The following SUPT3H variants were observed in gnomAD, a reference collection of about 807,000 sequenced individuals.
SUPT3H encodes transcription initiation protein SPT3 homolog.
A neutral mutation model predicts 44.3 loss-of-function variants in SUPT3H; 44 were observed. The ratio of observed to expected loss-of-function variants is 0.99; its 90% confidence interval spans 0.78 to 1.28. The LOEUF is 1.28. Ranked by LOEUF, SUPT3H falls within the 50% of genes most tolerant of loss-of-function variation. The pLI is 0.00. For missense variants in SUPT3H, 380 were observed against 387.1 expected (o/e 0.98, Z 0.15); for synonymous variants, 124 against 125.6 (o/e 0.99, Z 0.09).
intron 2 of SUPT3H, among the ~76,000 whole-genome samples, chr6:45,190,468 C>T (rs973828582): frequency 9.9e-5 from 15 of 151,586 alleles, no homozygotes; most frequent in South Asian, 4.2e-4. Flanking sequence ...ACTCTGTATA[C>T]GGGCCAATTC....
In SUPT3H at chr6:44,924,963, A is replaced by T. The variant is rs138062146; in HGVS notation, c.912+7690T>A. Among the ~76,000 whole-genome samples the T allele has an allele frequency of 1.4e-3, 220 of 152,316 alleles. 1 individual carries two copies. The highest frequency in any genetic ancestry group is 5.0e-3 in the African/African-American group (207 of 41,566). On this transcript the variant is annotated intron_variant, in intron 10 of 10. Coordinates refer to ENST00000371459, the MANE Select transcript of SUPT3H (RefSeq NM_003599.4). ...TCCAGGTTGAACACATAAGATGCAG[A>T]CAAACCTAATGTGCTCATGACATAA... is the stretch of plus-strand genomic sequence containing the variant.
At chr6:45,205,724 G>C (rs1763123170) in intron 2 of SUPT3H, among the ~76,000 whole-genome samples, 1 of 152,014 alleles carries the variant, frequency 6.6e-6, no homozygotes, top group Admixed American at 6.6e-5. Context: ...TTGAACCTGG[G>C]AGGCAGAGGC....
intron 2 of SUPT3H, among the ~76,000 whole-genome samples, chr6:45,181,708 G>A (rs1168628974): frequency 3.0e-5 from 4 of 132,984 alleles, no homozygotes; most frequent in Non-Finnish European, 6.3e-5. Flanking sequence ...ACACTCTGGG[G>A]ACTGTTGTGG....
intron 2 of SUPT3H, among the ~76,000 whole-genome samples, chr6:45,195,447 T>C (rs1467251743): frequency 6.6e-6 from 1 of 152,128 alleles, no homozygotes; most frequent in East Asian, 1.9e-4. Context: ...CTATATCCAG[T>C]GGCCCTATGA....
intron 5 of SUPT3H, among the ~76,000 whole-genome samples, chr6:45,013,282 G>C (rs1044531628): frequency 8.6e-5 from 13 of 151,998 alleles, no homozygotes; most frequent in Admixed American, 8.5e-4. Flanking sequence ...GTATCATGGA[G>C]CTACCAGTCC....
At chr6:45,290,872 A>C (rs1780200501) in intron 2 of SUPT3H, among the ~76,000 whole-genome samples, 1 of 152,190 alleles carries the variant, frequency 6.6e-6, no homozygotes, top group Non-Finnish European at 1.5e-5. Flanking sequence ...TCTGAGGCCC[A>C]AGAAAATGGA....
At chr6:45,022,415 G>GTTTTTTTTTTTT (rs3053670) in intron 3 of SUPT3H, among the ~76,000 whole-genome samples, 1 of 141,562 alleles carries the variant, frequency 7.1e-6, no homozygotes, top group Non-Finnish European at 1.5e-5. Flanking sequence ...TGGAATCACT[G>GTTTTTTTTTTTT]TTTTTTTTTT....
At chr6:45,059,721 T>C (rs1239270069) in intron 3 of SUPT3H, among the ~76,000 whole-genome samples, 1 of 152,136 alleles carries the variant, frequency 6.6e-6, no homozygotes, top group Non-Finnish European at 1.5e-5. Context: ...CTTAAACTGA[T>C]AAGCAACTTC....
chr6:45,035,996 T>C (rs951916670), intron 3 of SUPT3H, among the ~76,000 whole-genome samples: 1 of 152,108 alleles, frequency 6.6e-6, no homozygotes, highest in African/African-American at 2.4e-5. Context: ...GAATCTACTA[T>C]TATAATTCCT....
intron 2 of SUPT3H, among the ~76,000 whole-genome samples, chr6:45,279,123 A>C (rs774624290): frequency 6.6e-6 from 1 of 152,220 alleles, no homozygotes; most frequent in Non-Finnish European, 1.5e-5. Flanking sequence ...GTTAACTACA[A>C]CTTTTATTAT....
intron 2 of SUPT3H, chr6:45,328,733 T>A: frequency 6.2e-7 from 1 of 1,612,146 alleles, no homozygotes; most frequent in Non-Finnish European, 8.5e-7. Flanking sequence ...GACTATGGCA[T>A]CAAACAGCCT....
chr6:44,902,078 T>C (rs995117389), intron 10 of SUPT3H, among the ~76,000 whole-genome samples: 3 of 152,088 alleles, frequency 2.0e-5, no homozygotes, highest in Non-Finnish European at 2.9e-5. Flanking sequence ...CATGCCAAAT[T>C]GTAAAGACCA....
At chr6:45,177,132 G>A (rs562879975) in intron 2 of SUPT3H, among the ~76,000 whole-genome samples, 6 of 152,014 alleles carry the variant, frequency 3.9e-5, no homozygotes, top group East Asian at 1.9e-4. Context: ...AGCTACGGGC[G>A]GACATTCAAA....
At chr6:45,217,483 AAT>A (rs1765269323) in intron 2 of SUPT3H, among the ~76,000 whole-genome samples, 1 of 152,014 alleles carries the variant, frequency 6.6e-6, no homozygotes, top group Non-Finnish European at 1.5e-5. Flanking sequence ...TCAAAAATAA[AAT>A]AAAATAAAAT....
chr6:45,163,412 G>A (rs1809354821), intron 2 of SUPT3H, among the ~76,000 whole-genome samples: 1 of 152,018 alleles, frequency 6.6e-6, no homozygotes, highest in Non-Finnish European at 1.5e-5. Context: ...TAGTACATAA[G>A]TATTACATAT....
chr6:45,287,596 C>T (rs1275866724), intron 2 of SUPT3H, among the ~76,000 whole-genome samples: 2 of 152,018 alleles, frequency 1.3e-5, no homozygotes, highest in African/African-American at 4.8e-5. Context: ...TGCTGTTTGC[C>T]AGGGACTGGG....
intron 10 of SUPT3H, among the ~76,000 whole-genome samples, chr6:44,923,881 A>G (rs1769118098): frequency 6.6e-6 from 1 of 152,096 alleles, no homozygotes; most frequent in South Asian, 2.1e-4. Flanking sequence ...CCAGTTGGCA[A>G]TGTAGACTCA....
intron 2 of SUPT3H, among the ~76,000 whole-genome samples, chr6:45,144,619 C>A (rs1314842966): frequency 6.6e-6 from 1 of 152,016 alleles, no homozygotes; most frequent in Admixed American, 6.6e-5. Flanking sequence ...ACTTTGACCA[C>A]TCCTAGTCAA....
At chr6:45,104,011 A>G (rs1395679012) in intron 3 of SUPT3H, among the ~76,000 whole-genome samples, 2 of 152,138 alleles carry the variant, frequency 1.3e-5, no homozygotes, top group South Asian at 2.1e-4. Context: ...AAAGATAAAG[A>G]TATGTTCAGA....
Sources: gnomAD v4.1 joint callset for allele counts (sites outside exome capture counted in the v4.1 genomes callset) on GRCh38, gnomAD v4.1.1 for gene constraint, MANE v1.5 for transcripts, NCBI Gene and HGNC (gene_info 2026-07-23, HGNC 2026-07-21) for gene names.